The following HSDL2 variants were observed in gnomAD, a reference collection of about 807,000 sequenced individuals.
The protein encoded by HSDL2 is hydroxysteroid dehydrogenase like 2.
HSDL2 carries 27 observed loss-of-function variants against 46.3 expected under a neutral mutation model. The ratio of observed to expected loss-of-function variants is 0.58; its 90% CI spans 0.43 to 0.80. The LOEUF is 0.80. HSDL2 is among the 30% of genes least tolerant of loss of function. The pLI is 0.00. For missense variants in HSDL2, 451 were observed against 502.7 expected, an observed-to-expected ratio of 0.90 and a Z score of 0.98; for synonymous variants, 153 against 163.6, an observed-to-expected ratio of 0.94 and a Z score of 0.50.
chr9:112,458,130 G>A (rs1833087842), intron 9 of HSDL2, among the ~76,000 whole-genome samples: 1 of 151,132 alleles, frequency 6.6e-6, no homozygotes, highest in South Asian at 2.1e-4. Context: ...CCTCACACGT[G>A]CTGCACTCTT....
At chr9:112,395,363 CAG>C (rs1428036980) in intron 1 of HSDL2, among the ~76,000 whole-genome samples, 6 of 152,316 alleles carry the variant, frequency 3.9e-5, no homozygotes, top group Admixed American at 6.5e-5. Flanking sequence ...GGCACCCAGA[CAG>C]GGGATTGATG....
intron 1 of HSDL2, among the ~76,000 whole-genome samples, chr9:112,398,141 A>G (rs1174807327): frequency 6.6e-6 from 1 of 152,114 alleles, no homozygotes; most frequent in Non-Finnish European, 1.5e-5. Flanking sequence ...CAGAAAAGGC[A>G]TAAGCATACT....
intron 1 of HSDL2, among the ~76,000 whole-genome samples, chr9:112,389,952 G>C (rs112240392): frequency 0.031 from 4,636 of 151,656 alleles, 215 homozygotes; most frequent in East Asian, 0.2. Context: ...GTAGTCCCAG[G>C]TACTCAGGAG....
Position 112,409,036 on chromosome 9 carries a change from A to G in HSDL2, c.395+15A>G. 3 of 1,438,794 alleles carry G rather than the reference A, an allele frequency of 2.1e-6. No homozygotes were observed. Among genetic ancestry groups the G allele is most frequent in the Non-Finnish European group, 2.9e-6 (3 of 1,027,898 alleles). 89.1% of individuals were successfully genotyped at this position (1,438,794 alleles called of 1,614,324 possible). On this transcript the variant is annotated intron_variant, in intron 4 of 10. Transcript: ENST00000398805. ...ACCTACCTTGCGTAAGTTTGCAAGA[A>G]GAGTTGTTGGGGAGGAAGTTGCGGT...
intron 6 of HSDL2, among the ~76,000 whole-genome samples, chr9:112,437,990 G>A (rs1832562842): frequency 6.6e-6 from 1 of 152,244 alleles, no homozygotes; most frequent in Non-Finnish European, 1.5e-5. Context: ...GCTCATGCCT[G>A]TAATCCCAGC....
chr9:112,446,626 A>G (rs1832765701), intron 8 of HSDL2, among the ~76,000 whole-genome samples: 1 of 152,136 alleles, frequency 6.6e-6, no homozygotes, highest in African/African-American at 2.4e-5. Context: ...GGGAGACCCT[A>G]TCTCAAAAAC....
intron 6 of HSDL2, 94 bp downstream of exon 6, chr9:112,419,052 A>G: frequency 1.6e-6 from 1 of 627,224 alleles, no homozygotes; most frequent in Non-Finnish European, 2.8e-6. Flanking sequence ...CTTGTCATCC[A>G]GGCTGGAGTG....
chr9:112,409,027 T>G lies in HSDL2; in HGVS notation c.395+6T>G. Reference sequence around the variant, plus strand: ...ACCAGAGGCACCTACCTTGCGTAAGTTTGCAAGAAGAGTTGTTGGGGAGGA... The same window carrying G: ...ACCAGAGGCACCTACCTTGCGTAAGGTTGCAAGAAGAGTTGTTGGGGAGGA... On this transcript the variant is annotated splice_donor_region_variant and intron_variant, in intron 4 of 10. Transcript: ENST00000398805. 1.3e-6 allele frequency: 2 copies of G among 1,526,508 alleles called. No individual in the cohort carries two copies. Among genetic ancestry groups the G allele is most frequent in the Non-Finnish European group, 1.8e-6 (2 of 1,106,172 alleles). 94.6% of individuals were successfully genotyped at this position (1,526,508 alleles called of 1,614,324 possible). A position where few individuals can be genotyped will look rare whatever the true frequency, so the allele number is the denominator to read the frequency against.
At chr9:112,408,369 G>A (rs150924351) in intron 3 of HSDL2, among the ~76,000 whole-genome samples, 5 of 152,182 alleles carry the variant, frequency 3.3e-5, no homozygotes, top group African/African-American at 1.2e-4. Context: ...TCTGGCAATT[G>A]GCTATATCTC....
chr9:112,387,262 C>T (rs1831237877), intron 1 of HSDL2, among the ~76,000 whole-genome samples: 3 of 148,596 alleles, frequency 2.0e-5, no homozygotes. Flanking sequence ...CTCTGTGGTT[C>T]AGGCTGGAGT....
chr9:112,442,120 T>A (rs1299695301), intron 8 of HSDL2, among the ~76,000 whole-genome samples: 2 of 150,428 alleles, frequency 1.3e-5, no homozygotes, highest in East Asian at 2.0e-4. Context: ...AAAAAAAAAA[T>A]ACGTTGGGCG....
At chr9:112,457,309 C>A (rs989436145) in intron 9 of HSDL2, among the ~76,000 whole-genome samples, 1 of 152,202 alleles carries the variant, frequency 6.6e-6, no homozygotes, top group Non-Finnish European at 1.5e-5. Flanking sequence ...CTGAAGCAGT[C>A]TCTGCCCCTT....
At chr9:112,423,666 A>G (rs1317036990) in intron 6 of HSDL2, among the ~76,000 whole-genome samples, 5 of 151,606 alleles carry the variant, frequency 3.3e-5, no homozygotes, top group African/African-American at 1.2e-4. Flanking sequence ...GGAAGGGAAC[A>G]CTTTCTAACC....
chr9:112,444,656 T>G (rs1480521666), intron 8 of HSDL2, among the ~76,000 whole-genome samples: 1 of 152,044 alleles, frequency 6.6e-6, no homozygotes, highest in Non-Finnish European at 1.5e-5. Flanking sequence ...GAGGATCACT[T>G]GAGTTCAGGA....
chr9:112,383,534 A>G (rs1831147973), intron 1 of HSDL2, among the ~76,000 whole-genome samples: 1 of 152,118 alleles, frequency 6.6e-6, no homozygotes, highest in Admixed American at 6.6e-5. Flanking sequence ...ATTTTTCTTC[A>G]GATGGCTGCT....
chr9:112,458,532 G>A (rs947974131), intron 9 of HSDL2, among the ~76,000 whole-genome samples: 2 of 151,360 alleles, frequency 1.3e-5, no homozygotes, highest in Non-Finnish European at 2.9e-5. Flanking sequence ...TCACCATGTT[G>A]GCCAGGCTGG....
intron 6 of HSDL2, among the ~76,000 whole-genome samples, chr9:112,420,916 G>A (rs1832106001): frequency 6.6e-6 from 1 of 151,634 alleles, no homozygotes; most frequent in African/African-American, 2.4e-5. Flanking sequence ...CTCAACGTGT[G>A]TGTTTATGTA....
intron 4 of HSDL2, among the ~76,000 whole-genome samples, chr9:112,412,571 A>G (rs1831898330): frequency 6.6e-6 from 1 of 152,232 alleles, no homozygotes; most frequent in Non-Finnish European, 1.5e-5. Context: ...CAAGTAAAGC[A>G]TTGAATTTTA....
intron 8 of HSDL2, among the ~76,000 whole-genome samples, chr9:112,448,709 TA>T (rs2132683890): frequency 1.6e-4 from 2 of 12,694 alleles, no homozygotes; most frequent in South Asian, 5.4e-3. Flanking sequence ...GCCACCCAGC[TA>T]ATTTTTTTTT....
Sources: gnomAD v4.1 joint callset for allele counts (sites outside exome capture counted in the v4.1 genomes callset) on GRCh38, gnomAD v4.1.1 for gene constraint, MANE v1.5 for transcripts, NCBI Gene and HGNC (gene_info 2026-07-23, HGNC 2026-07-21) for gene names.